Variants in CAST observed in about 807,000 individuals in gnomAD.
CAST encodes calpastatin, also known as MIR583 host.
A neutral mutation model predicts 119.6 loss-of-function variants in CAST; 76 were observed. The observed-to-expected ratio is 0.64, with a 90% CI of 0.53 to 0.77. The LOEUF is 0.77. Among genes scored for constraint, CAST ranks in the 30% least tolerant of loss-of-function variants. CAST has a pLI of 0.00. For missense variants in CAST, 953 were observed against 946.5 expected (o/e 1.01, Z -0.09); for synonymous variants, 319 against 331.6 (o/e 0.96, Z 0.41).
At chr5:96,014,144 A>AT in the CAST span, among the ~76,000 whole-genome samples, 1,056 of 143,494 alleles carry the variant, frequency 7.4e-3, 6 homozygotes, top group Non-Finnish European at 0.011. Flanking sequence ...TTTTGTATTC[A>AT]TTTTTTTTTT....
chr5:96,505,564 G>C, the CAST span, among the ~76,000 whole-genome samples: 1 of 152,184 alleles, frequency 6.6e-6, no homozygotes, highest in Admixed American at 6.5e-5. Flanking sequence ...TTAGCCCATA[G>C]AGAAGGGCCT....
chr5:96,094,911 C>A, the CAST span, among the ~76,000 whole-genome samples: 1 of 152,194 alleles, frequency 6.6e-6, no homozygotes, highest in Non-Finnish European at 1.5e-5. Context: ...CTACAAAAGT[C>A]TTCCTTATAG....
chr5:96,615,997 T>A (rs1747448947), intron 1 of CAST, among the ~76,000 whole-genome samples: 2 of 152,280 alleles, frequency 1.3e-5, no homozygotes, highest in Non-Finnish European at 1.5e-5. Context: ...GAGAAAGATG[T>A]AGGCTAGGAG....
chr5:96,343,608 A>T, the CAST span, among the ~76,000 whole-genome samples: 1 of 152,186 alleles, frequency 6.6e-6, no homozygotes, highest in African/African-American at 2.4e-5. Flanking sequence ...CACACAAAGG[A>T]TTGCCTTTAA....
the CAST span, chr5:96,412,522 G>A: frequency 1.3e-6 from 2 of 1,593,682 alleles, no homozygotes; most frequent in African/African-American, 2.7e-5. Context: ...GACACACAAA[G>A]GTTGATGTCA....
chr5:96,134,101 C>T, the CAST span, among the ~76,000 whole-genome samples: 1 of 152,188 alleles, frequency 6.6e-6, no homozygotes, highest in African/African-American at 2.4e-5. Flanking sequence ...TAGTTGGTAA[C>T]AATTAATCAC....
At chr5:95,984,690 T>C in the CAST span, among the ~76,000 whole-genome samples, 1 of 152,154 alleles carries the variant, frequency 6.6e-6, no homozygotes, top group African/African-American at 2.4e-5. Flanking sequence ...CTCACCAAAA[T>C]AGAGTGTCTT....
At chr5:96,243,291 T>C in the CAST span, among the ~76,000 whole-genome samples, 9 of 147,916 alleles carry the variant, frequency 6.1e-5, no homozygotes, top group African/African-American at 2.3e-4. Flanking sequence ...TTTATTTATT[T>C]AAGCAAATCA....
chr5:96,374,646 C>T, the CAST span, among the ~76,000 whole-genome samples: 3 of 152,134 alleles, frequency 2.0e-5, no homozygotes, highest in African/African-American at 7.2e-5. Context: ...TCTTTTGAGT[C>T]CTGTCTCATC....
chr5:96,144,867 G>C, the CAST span, among the ~76,000 whole-genome samples: 1 of 152,050 alleles, frequency 6.6e-6, no homozygotes, highest in African/African-American at 2.4e-5. Flanking sequence ...TTTTGGTAGA[G>C]ACGAGGTTTC....
chr5:96,192,125 T>C, the CAST span, among the ~76,000 whole-genome samples: 3 of 152,074 alleles, frequency 2.0e-5, no homozygotes, highest in Non-Finnish European at 4.4e-5. Context: ...GGGAATAGAA[T>C]GAGAATTTCA....
At chr5:96,111,661 C>T in the CAST span, among the ~76,000 whole-genome samples, 1 of 152,094 alleles carries the variant, frequency 6.6e-6, no homozygotes, top group Non-Finnish European at 1.5e-5. Context: ...AAGCTTTGTG[C>T]CAGGAACTGG....
the CAST span, among the ~76,000 whole-genome samples, chr5:96,386,731 G>A: frequency 2.0e-5 from 3 of 152,194 alleles, no homozygotes; most frequent in African/African-American, 4.8e-5. Flanking sequence ...TTGTGAGGCC[G>A]AGGCGAGCAG....
the CAST span, among the ~76,000 whole-genome samples, chr5:96,075,261 G>C: frequency 6.6e-6 from 1 of 152,046 alleles, no homozygotes; most frequent in Admixed American, 6.5e-5. Flanking sequence ...AATCAAGCCA[G>C]GTAAAGATGA....
rs190913650 is a variant in CAST, at chr5:96,725,562, G to A, written c.271-1232G>A. Among the ~76,000 whole-genome samples the A allele has an allele frequency of 1.3e-3, 192 of 152,318 alleles. 1 individual carries two copies. The highest frequency in any genetic ancestry group is 4.5e-3 in the African/African-American group (188 of 41,566). On this transcript the variant is annotated intron_variant, in intron 4 of 31. Transcript: ENST00000675179. Reference sequence around the variant, plus strand: ...GAAGATAAAGTGGGTTGACACATGAGAGGTGATTAATACACATTAGTTATT... The same window carrying A: ...GAAGATAAAGTGGGTTGACACATGAAAGGTGATTAATACACATTAGTTATT...
At chr5:96,166,132 C>G in the CAST span, among the ~76,000 whole-genome samples, 1 of 152,144 alleles carries the variant, frequency 6.6e-6, no homozygotes, top group African/African-American at 2.4e-5. Flanking sequence ...TGGTGGCCAG[C>G]AGCATGCCAG....
the CAST span, among the ~76,000 whole-genome samples, chr5:96,378,713 C>T: frequency 4.6e-5 from 7 of 151,832 alleles, no homozygotes; most frequent in East Asian, 9.7e-4. Context: ...TGCAAATTGC[C>T]GTAAAGAAAA....
the CAST span, among the ~76,000 whole-genome samples, chr5:96,364,230 T>C: frequency 1.3e-5 from 2 of 152,194 alleles, no homozygotes; most frequent in African/African-American, 4.8e-5. Context: ...CTGGATTTGG[T>C]TTGGCAGTAT....
chr5:96,109,551 T>C, the CAST span, among the ~76,000 whole-genome samples: 1 of 152,242 alleles, frequency 6.6e-6, no homozygotes, highest in African/African-American at 2.4e-5. Context: ...TAAGAGTGTT[T>C]GGCAATCTTT....
Sources: allele counts gnomAD v4.1 joint callset (sites outside exome capture counted in the v4.1 genomes callset), GRCh38; gene constraint gnomAD v4.1.1; transcripts MANE v1.5; gene names NCBI Gene and HGNC (gene_info 2026-07-23, HGNC 2026-07-21).